ACP1: variants seen among roughly 807,000 people sequenced by gnomAD.
ACP1 encodes low molecular weight phosphotyrosine protein phosphatase.
A neutral mutation model predicts 23.4 loss-of-function variants in ACP1; 23 were observed. The ratio of observed to expected loss-of-function variants is 0.98; its 90% confidence interval spans 0.71 to 1.39. The LOEUF is 1.39. Among genes scored for constraint, ACP1 ranks in the 40% most tolerant of loss-of-function variants. The pLI, the probability that ACP1 is intolerant of heterozygous loss-of-function variation, is 0.00. For missense variants in ACP1, 180 were observed against 197.7 expected, an observed-to-expected ratio of 0.91 and a Z score of 0.54; for synonymous variants, 72 against 67.2, an observed-to-expected ratio of 1.07 and a Z score of -0.35.
chr2:271,800 G>T, intron 1 of ACP1, 66 bp from the exon 2 acceptor site: 1 of 1,273,162 alleles, frequency 7.9e-7, no homozygotes, highest in African/African-American at 1.5e-5. Context: ...GTGTAAAGAA[G>T]GGGAGCTGGC....
intron 1 of ACP1, among the ~76,000 whole-genome samples, chr2:267,950 C>G (rs1669932025): frequency 6.6e-6 from 1 of 152,162 alleles, no homozygotes; most frequent in African/African-American, 2.4e-5. Flanking sequence ...TCACAAGGTA[C>G]TCTACTTTTA....
rs1572191944 is a variant in ACP1, at chr2:265,386, A to T, written c.43+379A>T. 3.0e-5 allele frequency: 6 copies of T among 196,838 alleles called. No individual in the cohort carries two copies. In the East Asian group the frequency reaches 7.2e-4, roughly 24 times the overall value. The allele number at this position is 196,838 out of a possible 1,614,324, so 12.2% of individuals were successfully genotyped here. A position where few individuals can be genotyped will look rare whatever the true frequency, so the allele number is the denominator to read the frequency against. Reference sequence around the variant, plus strand: ...GTCTCTTAGGGGCCTCCTGAGTCCTATGACAACATTGTTTTGTTTGCTAGT... The same window carrying T: ...GTCTCTTAGGGGCCTCCTGAGTCCTTTGACAACATTGTTTTGTTTGCTAGT... On this transcript the variant is annotated intron_variant, in intron 1 of 5. Coordinates refer to ENST00000272065, the MANE Select transcript of ACP1 (RefSeq NM_004300.4).
In ACP1 at chr2:276,965, A is replaced by C. The variant is rs146760036; in HGVS notation, c.294-15A>C. On this transcript the variant is annotated splice_polypyrimidine_tract_variant and intron_variant, in intron 4 of 5. Coordinates refer to ENST00000272065, the MANE Select transcript of ACP1 (RefSeq NM_004300.4). ...CCATAGATCAGAAAACTAAGTTCAT[A>C]TTTCAATTTTACAGAGATTTGAATA... is the stretch of plus-strand genomic sequence containing the variant. The C allele has an allele frequency of 3.3e-6, 5 of 1,516,422 alleles. No homozygotes were observed. Among genetic ancestry groups the C allele is most frequent in the Non-Finnish European group, 4.5e-6 (5 of 1,101,238 alleles). The allele number at this position is 1,516,422 out of a possible 1,614,324, so 93.9% of individuals were successfully genotyped here.
In ACP1 at chr2:272,037, T is replaced by A. The variant is rs1200988629; in HGVS notation, c.118T>A (p.Trp40Arg). The A allele has an allele frequency of 6.2e-7, 1 of 1,609,698 alleles. No individual in the cohort carries two copies. Among genetic ancestry groups the A allele is most frequent in the Non-Finnish European group, 8.5e-7 (1 of 1,178,578 alleles). Residue 40 changes from tryptophan to arginine, a missense_variant and splice_region_variant, in exon 3 of 6, where the codon TGG (tryptophan) becomes AGG (arginine). Transcript: ENST00000272065. ...LVTDQNISEN[W>R]RVDSAATSGY... ...AAATTCCATGTTTCTTCCCCTGCAGTGGAGGGTAGACAGCGCGGCAACTTC... is the reference window on the plus strand; with the variant it reads ...AAATTCCATGTTTCTTCCCCTGCAGAGGAGGGTAGACAGCGCGGCAACTTC...
chr2:269,251 A>T (rs1300951990), intron 1 of ACP1: 1 of 465,718 alleles, frequency 2.1e-6, no homozygotes, highest in Non-Finnish European at 4.4e-6. Context: ...AAATTAGCAT[A>T]TAGAGGGTAT....
chr2:267,435 G>A (rs188513425), intron 1 of ACP1, among the ~76,000 whole-genome samples: 119 of 152,324 alleles, frequency 7.8e-4, no homozygotes, highest in African/African-American at 2.6e-3. Context: ...TTTTGAGTGG[G>A]ATGGTCAGGG....
At chr2:275,050 C>A in intron 3 of ACP1, 90 bp from the exon 4 acceptor site, 2 of 522,254 alleles carry the variant, frequency 3.8e-6, no homozygotes, top group Non-Finnish European at 6.7e-6. Flanking sequence ...GGCTCAAATA[C>A]AGCAGTTTTT....
rs1670230390 is a variant in ACP1 at position 278,250 on chromosome 2, TG to T, written c.*950del. 1 of 152,214 alleles carries T rather than the reference TG, an allele frequency of 6.6e-6. No individual in the cohort carries two copies. Among genetic ancestry groups the T allele is most frequent in the African/African-American group, 2.4e-5 (1 of 41,452 alleles). The allele number at this position is 152,214 out of a possible 1,614,324, so 9.4% of individuals were successfully genotyped here. ...AAATCATGAATATTTCAAAATAAAC[TG>T]GGGAGTTATAAAAATACAACTAGAG... On this transcript the variant is annotated 3_prime_UTR_variant, in exon 6 of 6. Transcript: ENST00000272065.
At chr2:270,441 G>A (rs1669997322) in intron 1 of ACP1, among the ~76,000 whole-genome samples, 1 of 152,128 alleles carries the variant, frequency 6.6e-6, no homozygotes, top group South Asian at 2.1e-4. Context: ...CCCTTCCTCT[G>A]TCCATTAAGA....
intron 1 of ACP1, 167 bp downstream of exon 1, chr2:265,174 C>G: frequency 1.4e-6 from 1 of 690,370 alleles, no homozygotes; most frequent in Non-Finnish European, 2.3e-6. Flanking sequence ...TGTTCCCCAT[C>G]CGCCCCGTGC....
intron 3 of ACP1, 27 bp downstream of exon 3, chr2:272,177 T>C (rs1458612547): frequency 6.2e-7 from 1 of 1,614,122 alleles, no homozygotes; most frequent in Admixed American, 1.7e-5. Context: ...TGAAGTTGTG[T>C]GTTTTGTGTT....
chr2:276,786 G>C (rs1350318591), intron 4 of ACP1, among the ~76,000 whole-genome samples, 194 bp from the exon 5 acceptor site: 1 of 152,168 alleles, frequency 6.6e-6, no homozygotes, highest in East Asian at 1.9e-4. Flanking sequence ...GTCGCAAACT[G>C]TCTTGCCTAG....
intron 1 of ACP1, among the ~76,000 whole-genome samples, chr2:268,608 C>T (rs1352172626): frequency 1.3e-5 from 2 of 152,170 alleles, no homozygotes; most frequent in Non-Finnish European, 1.5e-5. Flanking sequence ...AGACACAGCC[C>T]CACCCTCCCA....
At chr2:268,821 G>T (rs1242541265) in intron 1 of ACP1, among the ~76,000 whole-genome samples, 1 of 152,202 alleles carries the variant, frequency 6.6e-6, no homozygotes, top group East Asian at 1.9e-4. Flanking sequence ...TTTCACTGAT[G>T]ACCGGGGTGC....
Position 272,053 on chromosome 2 carries a change from C to T in ACP1, c.134C>T (p.Ala45Val), listed in dbSNP as rs751430735. 16 of 1,613,656 alleles carry T rather than the reference C, an allele frequency of 9.9e-6. No individual in the cohort carries two copies. The highest frequency in any genetic ancestry group is 7.6e-6 in the Non-Finnish European group (9 of 1,179,990). ...CCCCTGCAGTGGAGGGTAGACAGCG[C>T]GGCAACTTCCGGGTATGAGATAGGG... ...NISENWRVDS[A>V]ATSGYEIGNP... Residue 45 changes from alanine to valine, a missense_variant, in exon 3 of 6, where the codon GCG becomes GTG. By Grantham distance (64) the Ala-to-Val change is moderately conservative. Coordinates refer to ENST00000272065, the MANE Select transcript of ACP1 (RefSeq NM_004300.4).
intron 4 of ACP1, among the ~76,000 whole-genome samples, chr2:276,409 G>A (rs1320400885): frequency 6.6e-6 from 1 of 152,102 alleles, no homozygotes; most frequent in Non-Finnish European, 1.5e-5. Context: ...CTCATCTGTC[G>A]CAGGTGCTCA....
chr2:265,180 C>T (rs1268587995), intron 1 of ACP1, 173 bp downstream of exon 1: 4 of 645,444 alleles, frequency 6.2e-6, no homozygotes, highest in Admixed American at 4.0e-5. Context: ...CCATCCGCCC[C>T]GTGCACCCGC....
In ACP1 at chr2:277,318, C is replaced by T. The variant is rs2103077166; in HGVS notation, c.*14C>T. The T allele has an allele frequency of 1.9e-6, 3 of 1,611,696 alleles. No individual in the cohort carries two copies. The highest frequency in any genetic ancestry group is 1.3e-5 in the African/African-American group (1 of 74,988). Reference sequence around the variant, plus strand: ...AAGGCCCACTGAGGCAGGTTCGTGCCCTGCTGCGGCCAGCCTGACTAGACC... The same window carrying T: ...AAGGCCCACTGAGGCAGGTTCGTGCTCTGCTGCGGCCAGCCTGACTAGACC... On this transcript the variant is annotated 3_prime_UTR_variant, in exon 6 of 6. Transcript: ENST00000272065.
At chr2:273,331 A>C (rs1245469033) in intron 3 of ACP1, among the ~76,000 whole-genome samples, 1 of 152,196 alleles carries the variant, frequency 6.6e-6, no homozygotes, top group Non-Finnish European at 1.5e-5. Flanking sequence ...GATTTAAATA[A>C]TTTTACAGAG....
Sources: allele counts gnomAD v4.1 joint callset (sites outside exome capture counted in the v4.1 genomes callset), GRCh38; gene constraint gnomAD v4.1.1; transcripts MANE v1.5; gene names NCBI Gene and HGNC (gene_info 2026-07-23, HGNC 2026-07-21).